The following GSE1 variants were observed in gnomAD, a reference collection of about 807,000 sequenced individuals.
GSE1 encodes genetic suppressor element 1.
GSE1 carries 32 observed loss-of-function variants against 112.6 expected under a neutral mutation model. The ratio of observed to expected loss-of-function variants is 0.28; its 90% CI spans 0.21 to 0.38. The LOEUF (loss-of-function observed/expected upper bound fraction) is 0.38. GSE1 is among the 10% of genes least tolerant of loss of function. The pLI is 1.00. For missense variants in GSE1, 2,348 were observed against 1,699.2 expected (o/e 1.38, Z -6.71); for synonymous variants, 1,115 against 735.6 (o/e 1.52, Z -8.35).
chr16:85,629,625 A>T (rs1347517872), intron 1 of GSE1, among the ~76,000 whole-genome samples: 1 of 152,106 alleles, frequency 6.6e-6, no homozygotes, highest in South Asian at 2.1e-4. Context: ...CCTATCTGGG[A>T]AATAGGCCCA....
chr16:85,670,377 TTGA>T (rs2053233531), intron 14 of GSE1, among the ~76,000 whole-genome samples: 1 of 152,180 alleles, frequency 6.6e-6, no homozygotes, highest in Non-Finnish European at 1.5e-5. Flanking sequence ...TTTTCATCCT[TTGA>T]TTTTTTTTTT....
intron 1 of GSE1, among the ~76,000 whole-genome samples, chr16:85,601,942 T>C (rs1191840664): frequency 6.6e-6 from 1 of 152,206 alleles, no homozygotes; most frequent in African/African-American, 2.4e-5. Flanking sequence ...GTGATCTTAA[T>C]GACCGGCAGT....
At chr16:85,327,040 C>T (rs1036619374) in intron 1 of GSE1, among the ~76,000 whole-genome samples, 1 of 152,264 alleles carries the variant, frequency 6.6e-6, no homozygotes, top group African/African-American at 2.4e-5. Flanking sequence ...GGAGCATCTA[C>T]TTCCAAGACA....
At chr16:85,590,276 G>A (rs950057504) in intron 1 of GSE1, among the ~76,000 whole-genome samples, 2 of 151,706 alleles carry the variant, frequency 1.3e-5, no homozygotes, top group East Asian at 3.9e-4. Flanking sequence ...GTGAACTTGT[G>A]TGAACATGTG....
intron 2 of GSE1, among the ~76,000 whole-genome samples, chr16:85,437,366 C>T (rs1477951187): frequency 6.6e-6 from 1 of 152,050 alleles, no homozygotes; most frequent in African/African-American, 2.4e-5. Context: ...GGCTTTTTTC[C>T]CTCTTCTCAT....
intron 2 of GSE1, among the ~76,000 whole-genome samples, chr16:85,385,977 C>T (rs759579757): frequency 3.3e-5 from 5 of 152,170 alleles, no homozygotes; most frequent in East Asian, 1.9e-4. Flanking sequence ...GGGCAGGGAG[C>T]GAACCCCCAT....
chr16:85,665,295 T>C (rs541811487), intron 12 of GSE1, among the ~76,000 whole-genome samples, 167 bp downstream of exon 12: 4 of 152,280 alleles, frequency 2.6e-5, no homozygotes, highest in East Asian at 3.9e-4. Flanking sequence ...GTGACAGTCA[T>C]TGGGACGGAA....
chr16:85,224,197 C>T (rs1389363985), intron 1 of GSE1, among the ~76,000 whole-genome samples: 1 of 148,632 alleles, frequency 6.7e-6, no homozygotes, highest in African/African-American at 2.5e-5. Flanking sequence ...AGCACAGGAC[C>T]TCTGTAGAAA....
At chr16:85,354,371 T>C (rs1399118498) in intron 1 of GSE1, among the ~76,000 whole-genome samples, 7 of 152,258 alleles carry the variant, frequency 4.6e-5, no homozygotes, top group Non-Finnish European at 8.8e-5. Context: ...GGATTAACTA[T>C]GCTAATCAGT....
upstream of GSE1, among the ~76,000 whole-genome samples, chr16:85,611,682 G>A (rs749574242): frequency 1.6e-3 from 246 of 152,254 alleles, no homozygotes; most frequent in Non-Finnish European, 2.7e-3. Context: ...GTCGAGCGGG[G>A]AGCGTGGGGC....
chr16:85,643,638 G>A (rs978361297), intron 2 of GSE1, among the ~76,000 whole-genome samples: 1 of 152,242 alleles, frequency 6.6e-6, no homozygotes, highest in South Asian at 2.1e-4. Flanking sequence ...TCTGGAGCCA[G>A]GCAGCTCCAG....
intron 1 of GSE1, among the ~76,000 whole-genome samples, chr16:85,580,674 T>C (rs2046411978): frequency 6.6e-6 from 1 of 152,198 alleles, no homozygotes; most frequent in Non-Finnish European, 1.5e-5. Context: ...GCCCCGACCC[T>C]CAGGGTGGCT....
At chr16:85,433,529 G>GGT (rs1281694340) in intron 2 of GSE1, among the ~76,000 whole-genome samples, 1 of 152,130 alleles carries the variant, frequency 6.6e-6, no homozygotes, top group Non-Finnish European at 1.5e-5. Context: ...GTTTGGCATT[G>GGT]GTGTCTGTAT....
rs1483617824 is a variant in GSE1 at position 85,311,944 on chromosome 16, C to G, written c.2284-45519C>G. 2.0e-5 allele frequency among the ~76,000 whole-genome samples: 3 copies of G among 152,308 alleles called. No individual in the cohort carries two copies. The South Asian group carries it at 6.2e-4, about 32-fold the overall frequency. On this transcript the variant is annotated intron_variant, in intron 1 of 2. Coordinates refer to the GSE1 transcript ENST00000637419. This position sits in a 1 kb window ranked among gnomAD's most constrained non-coding sequence, Gnocchi z 4.2. ...CCGCCGGCCCAGCACTGCCCAGCCC[C>G]AGCCCCGCACCACTGTCCTCATGTC...
intron 1 of GSE1, among the ~76,000 whole-genome samples, chr16:85,332,901 C>T (rs1291096496): frequency 1.3e-5 from 2 of 152,080 alleles, no homozygotes; most frequent in South Asian, 2.1e-4. Flanking sequence ...CTCAGAACCC[C>T]CCTTTATCCC....
chr16:85,322,005 G>A (rs914541368), intron 1 of GSE1, among the ~76,000 whole-genome samples: 21 of 152,284 alleles, frequency 1.4e-4, no homozygotes, highest in African/African-American at 3.8e-4. Context: ...GAGCCTGGCC[G>A]CGGCTCCTCC....
At chr16:85,193,084 G>T (rs2074857475) in intron 1 of GSE1, among the ~76,000 whole-genome samples, 2 of 152,144 alleles carry the variant, frequency 1.3e-5, no homozygotes, top group African/African-American at 4.8e-5. Flanking sequence ...GGAGCCCTCT[G>T]GTTACAGTGT....
At position 85,373,173 on chromosome 16, in the gene GSE1, C is replaced by G. The variant is rs911888662; in HGVS notation, c.2464+15530C>G. On this transcript the variant is annotated intron_variant, in intron 2 of 2. Transcript: ENST00000637419. This position sits in a 1 kb window ranked among gnomAD's most constrained non-coding sequence, Gnocchi z 5.1. ...CCAATGTGGCCATGGGATGCCGGCTCCTTGTCCACCAGGGTGGGTGCCAGG... is the reference window on the plus strand; with the variant it reads ...CCAATGTGGCCATGGGATGCCGGCTGCTTGTCCACCAGGGTGGGTGCCAGG... 6.6e-6 allele frequency among the ~76,000 whole-genome samples: 1 copy of G among 152,208 alleles called. No individual in the cohort carries two copies. Among genetic ancestry groups the G allele is most frequent in the Non-Finnish European group, 1.5e-5 (1 of 68,032 alleles).
intron 1 of GSE1, among the ~76,000 whole-genome samples, chr16:85,336,822 T>G (rs982465884): frequency 6.6e-6 from 1 of 152,234 alleles, no homozygotes; most frequent in South Asian, 2.1e-4. Context: ...GGCACTCATA[T>G]GTATACATAT....
Sources: allele counts gnomAD v4.1 joint callset (sites outside exome capture counted in the v4.1 genomes callset), GRCh38; gene constraint gnomAD v4.1.1; non-coding constraint Gnocchi (gnomAD v3.1); transcripts MANE v1.5; gene names NCBI Gene and HGNC (gene_info 2026-07-23, HGNC 2026-07-21).